PCDHA12: variants seen among roughly 807,000 people sequenced by gnomAD.
PCDHA12 encodes the protein protocadherin alpha 12.
PCDHA12 carries 44 observed loss-of-function variants against 60.0 expected under a neutral mutation model. The observed-to-expected ratio is 0.73, with a 90% CI of 0.58 to 0.94. The LOEUF is 0.94. PCDHA12 is among the 40% of genes least tolerant of loss of function. The pLI, the probability that PCDHA12 is intolerant of heterozygous loss-of-function variation, is 0.00. For missense variants in PCDHA12, 1,276 were observed against 1,239.7 expected (o/e 1.03, Z -0.44); for synonymous variants, 569 against 553.0 (o/e 1.03, Z -0.40).
Position 140,875,536 on chromosome 5 carries a change from G to A in PCDHA12, c.64G>A (p.Ala22Thr), listed in dbSNP as rs2055577552. 1.2e-6 allele frequency: 2 copies of A among 1,614,130 alleles called. No homozygotes were observed. The highest frequency in any genetic ancestry group is 1.7e-6 in the Non-Finnish European group (2 of 1,180,010). ...QRLLLSLLLLAAWEVGSGQLH... is the reference protein window; with the variant it reads ...QRLLLSLLLLTAWEVGSGQLH... ...TCTGCTGCTCTCGCTTCTGCTCCTT[G>A]CAGCCTGGGAGGTGGGGAGCGGCCA... The change falls in exon 1 of 4, where the codon GCA becomes ACA. Residue 22 changes from alanine (A) to threonine (T), a missense_variant. Transcript: ENST00000398631.
chr5:141,002,614 T>C (rs2098088159), intron 3 of PCDHA12, among the ~76,000 whole-genome samples: 1 of 152,130 alleles, frequency 6.6e-6, no homozygotes, highest in Non-Finnish European at 1.5e-5. Context: ...AACAGACACA[T>C]AACACAGACA....
At chr5:140,884,504 G>C in intron 1 of PCDHA12, 2 of 1,614,180 alleles carry the variant, frequency 1.2e-6, no homozygotes, top group South Asian at 2.2e-5. Flanking sequence ...CAGCGCGGCA[G>C]GGAGTTGGTC....
chr5:140,926,787 A>G, intron 1 of PCDHA12: 2 of 1,420,842 alleles, frequency 1.4e-6, no homozygotes, highest in Non-Finnish European at 1.8e-6. Context: ...GACGGCCGGC[A>G]GGAGCGTGCT....
intron 1 of PCDHA12, among the ~76,000 whole-genome samples, chr5:140,923,098 A>C (rs1003952878): frequency 5.9e-5 from 9 of 152,184 alleles, no homozygotes; most frequent in Non-Finnish European, 1.0e-4. Context: ...GACCAATGGG[A>C]GTATGATTTT....
intron 1 of PCDHA12, chr5:140,968,757 A>G (rs1488596963): frequency 6.2e-7 from 1 of 1,614,204 alleles, no homozygotes; most frequent in Non-Finnish European, 8.5e-7. Flanking sequence ...GTGGTCCGAG[A>G]TAATGGAGAG....
At chr5:140,920,794 A>G (rs1433275588) in intron 1 of PCDHA12, among the ~76,000 whole-genome samples, 2 of 151,776 alleles carry the variant, frequency 1.3e-5, no homozygotes, top group Admixed American at 6.6e-5. Flanking sequence ...CAGGGAACCA[A>G]GATCACGCCA....
In PCDHA12 at chr5:140,877,048, G is replaced by C. The variant is rs376952553; in HGVS notation, c.1576G>C (p.Glu526Gln). 1.2e-5 allele frequency: 19 copies of C among 1,612,558 alleles called. No homozygotes were observed. Among genetic ancestry groups the C allele is most frequent in the African/African-American group, 2.7e-5 (2 of 74,898 alleles). Residue 526 changes from glutamate to glutamine, a missense_variant, in exon 1 of 4, where the codon GAG becomes CAG. Physicochemically the swap from Glu to Gln is conservative, Grantham distance 29 (BLOSUM62 2). Transcript: ENST00000398631. ...GTACGCGCTGCAGCCGCTAGACCAC[G>C]AGGAGCTGGAGCTGCTGCAGTTCCA... Reference protein sequence around the residue: ...KVYALQPLDHEELELLQFQVS... With the variant: ...KVYALQPLDHQELELLQFQVS...
intron 1 of PCDHA12, chr5:140,881,180 T>C: frequency 6.0e-6 from 1 of 167,460 alleles, no homozygotes; most frequent in Non-Finnish European, 1.2e-5. Context: ...TTTTCCTTGC[T>C]AAAGATATGT....
chr5:140,898,462 C>T (rs1398136688), intron 1 of PCDHA12, among the ~76,000 whole-genome samples: 7 of 150,224 alleles, frequency 4.7e-5, no homozygotes, highest in African/African-American at 1.5e-4. Flanking sequence ...TTCCCCATTG[C>T]TTGTTTTTCT....
At chr5:140,889,240 T>C (rs782266675) in intron 1 of PCDHA12, among the ~76,000 whole-genome samples, 4 of 151,692 alleles carry the variant, frequency 2.6e-5, no homozygotes, top group Non-Finnish European at 4.4e-5. Context: ...TTCCAGAAAA[T>C]TTTCTGTTTC....
In PCDHA12 at chr5:140,943,140, C is replaced by CCCAGCTA. The variant is rs377502817; in HGVS notation, c.2368-35807_2368-35801dup. 5.8e-3 allele frequency among the ~76,000 whole-genome samples: 878 copies of CCCAGCTA among 151,552 alleles called. 7 individuals are homozygous for CCCAGCTA. The highest frequency in any genetic ancestry group is 0.021 in the African/African-American group (851 of 41,302). On this transcript the variant is annotated intron_variant, in intron 1 of 3. Transcript: ENST00000398631. ...AGGTGTGGTAGTGGGTGCCTGTAGT[C>CCCAGCTA]CCAGCTACTCTGGAGGCTGAGGCAG...
chr5:140,977,433 A>G (rs939711301), intron 1 of PCDHA12, among the ~76,000 whole-genome samples: 6 of 152,218 alleles, frequency 3.9e-5, no homozygotes, highest in Non-Finnish European at 7.3e-5. Flanking sequence ...TAACACCGCT[A>G]GTAGATAATG....
intron 1 of PCDHA12, chr5:140,883,431 C>T: frequency 6.2e-7 from 1 of 1,614,172 alleles, no homozygotes. Flanking sequence ...GTCACCTGCA[C>T]CTTGACGCCG....
chr5:140,876,229 GA>G lies in PCDHA12; in HGVS notation c.761del (p.Asn254MetfsTer8). Reference protein sequence around the residue: ...DKPSYKVVLSENVQNDTRVIQ... With the variant: ...DKPSYKVVLSXNVQNDTRVIQ... ...GCCCAGCTATAAAGTAGTGTTGTCT[GA>G]AAATGTCCAAAACGACACAAGAGTG... On this transcript the variant is annotated frameshift_variant, in exon 1 of 4. Coordinates refer to ENST00000398631, the MANE Select transcript of PCDHA12 (RefSeq NM_018903.4). LOFTEE classifies it high-confidence loss of function. The G allele has an allele frequency of 1.9e-6, 3 of 1,613,978 alleles. No homozygotes were observed. Among genetic ancestry groups the G allele is most frequent in the Non-Finnish European group, 2.5e-6 (3 of 1,179,898 alleles).
At chr5:140,933,212 T>C (rs2088935461) in intron 1 of PCDHA12, among the ~76,000 whole-genome samples, 1 of 151,682 alleles carries the variant, frequency 6.6e-6, no homozygotes, top group African/African-American at 2.4e-5. Context: ...ATTACATGTC[T>C]GTTATATTGC....
rs116743674 is a variant in PCDHA12, at chr5:140,927,144, A to G, written c.2367+49305A>G. On this transcript the variant is annotated intron_variant, in intron 1 of 3. Transcript: ENST00000398631. ...TGGTCAGAGAGCCGGCGGACCGCGA[A>G]CAGCTGTGCAGGGCCAAAGCTGCCT... 3.2e-3 allele frequency: 5,191 copies of G among 1,614,096 alleles called. 26 individuals are homozygous for G. The highest frequency in any genetic ancestry group is 0.019 in the African/African-American group (1,449 of 75,034).
At position 140,887,505 on chromosome 5, in the gene PCDHA12, T is replaced by G. The variant is rs185975578; in HGVS notation, c.2367+9666T>G. On this transcript the variant is annotated intron_variant, in intron 1 of 3. Transcript: ENST00000398631. ...GGCTTGCATAGTTTCTAATAAGATG[T>G]TTGCTTTTTTATATATGAGTCTTCC... Among the ~76,000 whole-genome samples, 465 of 152,304 alleles carry G rather than the reference T, an allele frequency of 3.1e-3. 3 individuals carry two copies. The highest frequency in any genetic ancestry group is 0.014 in the Middle Eastern group (4 of 294).
intron 1 of PCDHA12, among the ~76,000 whole-genome samples, chr5:140,908,256 A>T (rs192899359): frequency 6.6e-6 from 1 of 152,130 alleles, no homozygotes; most frequent in Non-Finnish European, 1.5e-5. Context: ...AACTGATCAT[A>T]GGGAACTCCC....
At chr5:140,979,894 C>G (rs1183667310) in intron 2 of PCDHA12, among the ~76,000 whole-genome samples, 2 of 152,206 alleles carry the variant, frequency 1.3e-5, no homozygotes, top group African/African-American at 4.8e-5. Context: ...ATTCACCAAA[C>G]TTAGATCAGT....
Sources: allele counts gnomAD v4.1 joint callset (sites outside exome capture counted in the v4.1 genomes callset), GRCh38; gene constraint gnomAD v4.1.1; transcripts MANE v1.5; gene names NCBI Gene and HGNC (gene_info 2026-07-23, HGNC 2026-07-21).